PBX3: variants seen among roughly 807,000 people sequenced by gnomAD.
PBX3 encodes the protein pre-B-cell leukemia transcription factor 3.
A neutral mutation model predicts 48.5 loss-of-function variants in PBX3; 14 were observed. That is an observed-to-expected ratio of 0.29 (90% CI 0.19 to 0.45). The LOEUF (loss-of-function observed/expected upper bound fraction) is 0.45, where lower values mean the gene tolerates loss of function less well. PBX3 is among the 20% of genes least tolerant of loss of function. The pLI, the probability that PBX3 is intolerant of heterozygous loss-of-function variation, is 1.00. For synonymous variants in PBX3, 210 were observed against 200.3 expected, an observed-to-expected ratio of 1.05 and a Z score of -0.41; for missense variants, 386 against 546.7, an observed-to-expected ratio of 0.71 and a Z score of 2.93.
chr9:125,867,371 G>A (rs149871656), intron 2 of PBX3, among the ~76,000 whole-genome samples: 2,315 of 152,198 alleles, frequency 0.015, 29 homozygotes, highest in South Asian at 0.038. Flanking sequence ...GTTGGGTGTG[G>A]TGGCCCACAC....
At chr9:125,909,379 C>A (rs1841150626) in intron 2 of PBX3, among the ~76,000 whole-genome samples, 1 of 152,144 alleles carries the variant, frequency 6.6e-6, no homozygotes, top group South Asian at 2.1e-4. Flanking sequence ...AATGAACACA[C>A]CTTCCTGTGG....
At chr9:125,939,044 A>G (rs1222342978) in intron 5 of PBX3, among the ~76,000 whole-genome samples, 1 of 152,200 alleles carries the variant, frequency 6.6e-6, no homozygotes, top group Non-Finnish European at 1.5e-5. Context: ...GCCCACAAAG[A>G]TAAAACAAAT....
chr9:125,758,571 G>A (rs1836583041), intron 2 of PBX3, among the ~76,000 whole-genome samples: 2 of 152,096 alleles, frequency 1.3e-5, no homozygotes, highest in African/African-American at 4.8e-5. Flanking sequence ...GTGAAAAAAA[G>A]ATAAGATGTT....
At position 125,834,789 on chromosome 9, in the gene PBX3, G is replaced by A. The variant is rs554041822; in HGVS notation, c.275-80897G>A. On this transcript the variant is annotated intron_variant, in intron 2 of 8. Transcript: ENST00000373489. ...GCAGCACTTTGGGAGGCTGAGGTGGGTGGATCACCTGAGGTCAGGAGTTTG... is the reference window on the plus strand; with the variant it reads ...GCAGCACTTTGGGAGGCTGAGGTGGATGGATCACCTGAGGTCAGGAGTTTG... 4.7e-3 allele frequency among the ~76,000 whole-genome samples: 706 copies of A among 150,536 alleles called. 5 individuals carry two copies. Among genetic ancestry groups the A allele is most frequent in the African/African-American group, 0.016 (652 of 41,274 alleles).
chr9:125,762,081 T>A (rs557970247), intron 2 of PBX3, among the ~76,000 whole-genome samples: 2 of 152,348 alleles, frequency 1.3e-5, no homozygotes, highest in East Asian at 3.9e-4. Flanking sequence ...TAGTGAATGT[T>A]GTAAATTTAA....
At chr9:125,797,986 T>A (rs1049517470) in intron 2 of PBX3, among the ~76,000 whole-genome samples, 1 of 152,192 alleles carries the variant, frequency 6.6e-6, no homozygotes, top group African/African-American at 2.4e-5. Flanking sequence ...ACCGGTTTCA[T>A]TTTTGTTGGT....
intron 2 of PBX3, among the ~76,000 whole-genome samples, chr9:125,764,077 A>G (rs1442522234): frequency 6.6e-6 from 1 of 152,222 alleles, no homozygotes; most frequent in African/African-American, 2.4e-5. Flanking sequence ...GCTGCTTACT[A>G]TTTTACAACT....
At chr9:125,863,191 C>T (rs1839903837) in intron 2 of PBX3, among the ~76,000 whole-genome samples, 1 of 150,374 alleles carries the variant, frequency 6.7e-6, no homozygotes, top group African/African-American at 2.5e-5. Context: ...AGCCACTGTG[C>T]CTGGCTGACA....
intron 2 of PBX3, among the ~76,000 whole-genome samples, chr9:125,751,713 A>C (rs1207112207): frequency 3.3e-5 from 5 of 152,222 alleles, no homozygotes; most frequent in Admixed American, 1.3e-4. Flanking sequence ...CCAAGTAACC[A>C]GTGAGATTAT....
chr9:125,929,598 T>C, intron 3 of PBX3, 57 bp from the exon 4 acceptor site: 1 of 1,219,050 alleles, frequency 8.2e-7, no homozygotes, highest in East Asian at 2.3e-5. Flanking sequence ...GATGAGTGAA[T>C]GTCTTCGTGT....
At chr9:125,785,454 A>G (rs1027729105) in intron 2 of PBX3, among the ~76,000 whole-genome samples, 5 of 152,202 alleles carry the variant, frequency 3.3e-5, no homozygotes, top group African/African-American at 1.2e-4. Flanking sequence ...CTTGGACATC[A>G]GACTCCAGGT....
chr9:125,961,946 C>T (rs145476057), intron 6 of PBX3, among the ~76,000 whole-genome samples, 156 bp from the exon 7 acceptor site: 87 of 152,356 alleles, frequency 5.7e-4, no homozygotes, highest in African/African-American at 2.0e-3. Flanking sequence ...GGACCCAACT[C>T]TCTGGAGTTA....
intron 2 of PBX3, among the ~76,000 whole-genome samples, chr9:125,886,787 CT>C (rs1475941719): frequency 7.8e-6 from 1 of 127,730 alleles, no homozygotes. Context: ...ATAGTGACTG[CT>C]GTGTGAAAAT....
intron 2 of PBX3, among the ~76,000 whole-genome samples, chr9:125,838,980 A>C (rs1387191130): frequency 6.6e-6 from 1 of 152,162 alleles, no homozygotes; most frequent in Non-Finnish European, 1.5e-5. Context: ...TAGGATGGGG[A>C]TTTTTGGTAG....
chr9:125,805,510 A>G (rs535106889), intron 2 of PBX3, among the ~76,000 whole-genome samples: 1 of 152,324 alleles, frequency 6.6e-6, no homozygotes, highest in African/African-American at 2.4e-5. Context: ...AATGAAAACA[A>G]TGTGCCACTT....
rs1391744794 is a variant in PBX3, at chr9:125,793,587, A to G, written c.274+44964A>G. Among the ~76,000 whole-genome samples the G allele has an allele frequency of 2.6e-5, 4 of 151,378 alleles. No individual in the cohort carries two copies. The East Asian group carries it at 7.8e-4, about 29-fold the overall frequency. ...TGGGATTACAGGTGCTGGCCACCACACGCAGCTAATTTTCATACTTTTAGT... is the reference window on the plus strand; with the variant it reads ...TGGGATTACAGGTGCTGGCCACCACGCGCAGCTAATTTTCATACTTTTAGT... On this transcript the variant is annotated intron_variant, in intron 2 of 8. Coordinates refer to ENST00000373489, the MANE Select transcript of PBX3 (RefSeq NM_006195.6).
At chr9:125,958,188 C>T (rs1202443265) in intron 5 of PBX3, among the ~76,000 whole-genome samples, 3 of 144,632 alleles carry the variant, frequency 2.1e-5, no homozygotes, top group East Asian at 2.1e-4. Flanking sequence ...ACACCTGCAT[C>T]GTCTCTGGCT....
At chr9:125,872,237 A>G (rs1035909578) in intron 2 of PBX3, among the ~76,000 whole-genome samples, 1 of 152,236 alleles carries the variant, frequency 6.6e-6, no homozygotes, top group African/African-American at 2.4e-5. Context: ...ATAAATCTAC[A>G]TATATCTTAC....
rs141924560 is a variant in PBX3 at position 125,856,764 on chromosome 9, A to T, written c.275-58922A>T. Among the ~76,000 whole-genome samples the T allele has an allele frequency of 6.4e-3, 974 of 152,328 alleles. 4 individuals are homozygous for T. Among genetic ancestry groups the T allele is most frequent in the Admixed American group, 9.2e-3 (140 of 15,294 alleles). On this transcript the variant is annotated intron_variant, in intron 2 of 8. Coordinates refer to ENST00000373489, the MANE Select transcript of PBX3 (RefSeq NM_006195.6). ...TAGCTAGCAATGTTTATTATTTCATATGACTGTCATGTACAAATAGTGGTT... is the reference window on the plus strand; with the variant it reads ...TAGCTAGCAATGTTTATTATTTCATTTGACTGTCATGTACAAATAGTGGTT...
Sources: gnomAD v4.1 joint callset for allele counts (sites outside exome capture counted in the v4.1 genomes callset) on GRCh38, gnomAD v4.1.1 for gene constraint, MANE v1.5 for transcripts, NCBI Gene and HGNC (gene_info 2026-07-23, HGNC 2026-07-21) for gene names.